Variants in SMAD1 observed in about 807,000 individuals in gnomAD.
The protein encoded by SMAD1 is MAD, mothers against decapentaplegic homolog 1.
Under a neutral mutation model 41.6 loss-of-function variants are expected in SMAD1, and 6 were observed. That is an observed-to-expected ratio of 0.14 (90% CI 0.08 to 0.28). The LOEUF is 0.28. SMAD1 is among the 10% of genes least tolerant of loss of function. The probability of loss-of-function intolerance (pLI) is 1.00; values close to 1 mark genes in which losing one functional copy is unlikely to be tolerated. For synonymous variants in SMAD1, 206 were observed against 203.2 expected (o/e 1.01, Z -0.12); for missense variants, 379 against 582.6 (o/e 0.65, Z 3.60).
intron 5 of SMAD1, among the ~76,000 whole-genome samples, chr4:145,550,386 G>T (rs911091006): frequency 6.6e-5 from 10 of 152,090 alleles, no homozygotes; most frequent in Non-Finnish European, 1.0e-4. Context: ...GGTGGCACAC[G>T]CCTGTAATCC....
intron 5 of SMAD1, among the ~76,000 whole-genome samples, chr4:145,550,032 A>G (rs1387785188): frequency 6.6e-6 from 1 of 152,208 alleles, no homozygotes; most frequent in African/African-American, 2.4e-5. Flanking sequence ...CTCCTAAAAC[A>G]TTATTAAGAA....
In SMAD1 at chr4:145,558,180, C is replaced by T; in HGVS notation, c.*246C>T. On this transcript the variant is annotated 3_prime_UTR_variant, in exon 7 of 7. Coordinates refer to ENST00000302085, the MANE Select transcript of SMAD1 (RefSeq NM_005900.3). ...TTCTATTGTAAAATCAACTAAAATT[C>T]AGACTTTTAGCAGGACTTTGTGTAC... The T allele has an allele frequency of 6.4e-6, 2 of 314,392 alleles. No homozygotes were observed. The highest frequency in any genetic ancestry group is 1.2e-5 in the Non-Finnish European group (2 of 173,178). The allele number at this position is 314,392 out of a possible 1,614,324, so 19.5% of individuals were successfully genotyped here.
At chr4:145,555,326 TTTTG>T (rs1732778293) in intron 6 of SMAD1, among the ~76,000 whole-genome samples, 1 of 152,328 alleles carries the variant, frequency 6.6e-6, no homozygotes, top group South Asian at 2.1e-4. Flanking sequence ...CCAGAAGTGT[TTTTG>T]TTTATTGTTT....
rs200460826 is a variant in SMAD1, at chr4:145,540,089, G to A, written c.658+28G>A. 1.2e-4 allele frequency: 196 copies of A among 1,612,986 alleles called. 1 individual carries two copies. The Middle Eastern group carries it at 2.8e-3, about 23-fold the overall frequency. ...AGGTTGGAATGTTCAGTGATGTTCT[G>A]TAGTCATATCAGACAGTGTTATCAC... On this transcript the variant is annotated intron_variant, in intron 3 of 6. Coordinates refer to ENST00000302085, the MANE Select transcript of SMAD1 (RefSeq NM_005900.3).
intron 1 of SMAD1, among the ~76,000 whole-genome samples, chr4:145,493,122 C>T (rs1443231536): frequency 6.6e-6 from 1 of 152,200 alleles, no homozygotes; most frequent in African/African-American, 2.4e-5. Context: ...CCTACCCATC[C>T]TTAAGTCCTT....
At chr4:145,506,141 G>A (rs1362939185) in intron 1 of SMAD1, among the ~76,000 whole-genome samples, 1 of 151,638 alleles carries the variant, frequency 6.6e-6, no homozygotes. Flanking sequence ...AAGCCTGGCC[G>A]ATCAAACAGA....
chr4:145,540,094 C>A, intron 3 of SMAD1, 33 bp downstream of exon 3: 1 of 1,611,868 alleles, frequency 6.2e-7, no homozygotes, highest in South Asian at 1.1e-5. Flanking sequence ...GTTCTGTAGT[C>A]ATATCAGACA....
At chr4:145,534,835 T>C (rs1381665286) in intron 2 of SMAD1, among the ~76,000 whole-genome samples, 1 of 152,188 alleles carries the variant, frequency 6.6e-6, no homozygotes, top group Non-Finnish European at 1.5e-5. Context: ...AATTCCTCCT[T>C]ATAATCTGGG....
At chr4:145,534,435 G>A (rs927690479) in intron 2 of SMAD1, among the ~76,000 whole-genome samples, 11 of 152,184 alleles carry the variant, frequency 7.2e-5, no homozygotes, top group African/African-American at 2.7e-4. Flanking sequence ...GGTGATAACT[G>A]AAGTCATATG....
chr4:145,525,982 G>A (rs1018475874), intron 2 of SMAD1, among the ~76,000 whole-genome samples: 7 of 152,176 alleles, frequency 4.6e-5, no homozygotes, highest in African/African-American at 1.7e-4. Context: ...GGAAGATCAG[G>A]TTTATATTCT....
intron 3 of SMAD1, among the ~76,000 whole-genome samples, chr4:145,541,744 G>A (rs914579286): frequency 1.3e-4 from 20 of 152,230 alleles, no homozygotes; most frequent in African/African-American, 4.3e-4. Context: ...AAACATTCAC[G>A]ATTCCCTCAG....
chr4:145,514,991 C>T lies in SMAD1; in HGVS notation c.378C>T (p.His126=), dbSNP rs1370083321. Reference sequence around the variant, plus strand: ...AGGAGGTCTGCATCAATCCCTACCACTATAAGAGAGTAGAAAGCCCTGGTA... The same window carrying T: ...AGGAGGTCTGCATCAATCCCTACCATTATAAGAGAGTAGAAAGCCCTGGTA... ...KQKEVCINPY[H]YKRVESPVLP... The change falls in exon 2 of 7, where the codon CAC becomes CAT. Residue 126 remains histidine, a synonymous_variant. Coordinates refer to ENST00000302085, the MANE Select transcript of SMAD1 (RefSeq NM_005900.3). This position sits in a 1 kb window ranked among gnomAD's most constrained non-coding sequence, Gnocchi z 4.7. 6.2e-7 allele frequency: 1 copy of T among 1,608,540 alleles called. No individual in the cohort carries two copies. The highest frequency in any genetic ancestry group is 2.2e-5 in the East Asian group (1 of 44,802).
chr4:145,519,306 C>T (rs553472866), intron 2 of SMAD1, among the ~76,000 whole-genome samples: 3 of 151,626 alleles, frequency 2.0e-5, no homozygotes, highest in African/African-American at 7.3e-5. Flanking sequence ...ATGTTGGCCA[C>T]GCTGGTCTCG....
At chr4:145,528,842 A>C (rs887786318) in intron 2 of SMAD1, among the ~76,000 whole-genome samples, 2 of 152,252 alleles carry the variant, frequency 1.3e-5, no homozygotes, top group African/African-American at 4.8e-5. Flanking sequence ...CTTGGACTGC[A>C]GTGCCAGGCT....
At chr4:145,481,216 C>A (rs1433041739), upstream of SMAD1, 4 of 152,100 alleles carry the variant, frequency 2.6e-5, no homozygotes, top group Non-Finnish European at 5.9e-5. Flanking sequence ...AACAAGGTTA[C>A]CTACTCGAAT....
intron 2 of SMAD1, among the ~76,000 whole-genome samples, chr4:145,535,998 AAATT>A (rs1355940175): frequency 5.9e-4 from 90 of 152,150 alleles, no homozygotes; most frequent in African/African-American, 2.1e-3. Context: ...AAAAAAAAAA[AAATT>A]AAAGAGAATA....
intron 2 of SMAD1, among the ~76,000 whole-genome samples, chr4:145,522,828 C>T (rs1466548688): frequency 7.2e-5 from 11 of 151,816 alleles, no homozygotes; most frequent in Admixed American, 3.3e-4. Context: ...TACAGACACC[C>T]GCCACCATGC....
chr4:145,490,513 C>T (rs1041613522), intron 1 of SMAD1, among the ~76,000 whole-genome samples: 1 of 152,134 alleles, frequency 6.6e-6, no homozygotes, highest in Non-Finnish European at 1.5e-5. Context: ...GTATAGGAGA[C>T]TAGGTTAATT....
In SMAD1 at chr4:145,514,301, T is replaced by G; in HGVS notation, c.-176-137T>G. The G allele has an allele frequency of 4.7e-6, 1 of 210,856 alleles. No homozygotes were observed. The highest frequency in any genetic ancestry group is 9.3e-6 in the Non-Finnish European group (1 of 107,402). The allele number at this position is 210,856 out of a possible 1,614,324, so 13.1% of individuals were successfully genotyped here. On this transcript the variant is annotated intron_variant, in intron 1 of 6. Transcript: ENST00000302085. This position sits in a 1 kb window ranked among gnomAD's most constrained non-coding sequence, Gnocchi z 4.7. ...AGAGTTAGGGCTTCCGCATATGAAT[T>G]TTAGGGGTCACAATTCAGTCCACAG...
Sources: gnomAD v4.1 joint callset for allele counts (sites outside exome capture counted in the v4.1 genomes callset) on GRCh38, gnomAD v4.1.1 for gene constraint, Gnocchi (gnomAD v3.1) non-coding constraint, MANE v1.5 for transcripts, NCBI Gene and HGNC (gene_info 2026-07-23, HGNC 2026-07-21) for gene names.